IQSEC1: variants seen among roughly 807,000 people sequenced by gnomAD.
IQSEC1 encodes the protein IQ motif and Sec7 domain ArfGEF 1.
A neutral mutation model predicts 91.0 loss-of-function variants in IQSEC1; 31 were observed. That is an observed-to-expected ratio of 0.34 (90% CI 0.26 to 0.46). IQSEC1 has a LOEUF of 0.46. Ranked by LOEUF, IQSEC1 falls within the 20% of genes least tolerant of loss-of-function variation. The pLI, the probability that IQSEC1 is intolerant of heterozygous loss-of-function variation, is 1.00. For missense variants in IQSEC1, 1,388 were observed against 1,575.6 expected (o/e 0.88, Z 2.02); for synonymous variants, 699 against 662.6 (o/e 1.05, Z -0.84).
chr3:12,903,492 C>A (rs531771096), intron 12 of IQSEC1, among the ~76,000 whole-genome samples: 1 of 152,326 alleles, frequency 6.6e-6, no homozygotes, highest in African/African-American at 2.4e-5. Flanking sequence ...TGGTACCACC[C>A]CCCAAAGGGG....
chr3:13,047,401 C>T (rs1315304561), intron 1 of IQSEC1: 12 of 828,154 alleles, frequency 1.4e-5, no homozygotes, highest in Non-Finnish European at 1.7e-5. Context: ...CTCTTGGAGG[C>T]CTGCCTCTGG....
intron 1 of IQSEC1, among the ~76,000 whole-genome samples, chr3:13,004,551 G>C (rs1702554091): frequency 6.6e-6 from 1 of 152,114 alleles, no homozygotes. Context: ...CCTCTCCTTG[G>C]ATTATAAGGA....
intron 1 of IQSEC1, among the ~76,000 whole-genome samples, chr3:13,180,997 C>T (rs900756828): frequency 3.9e-5 from 6 of 152,172 alleles, no homozygotes; most frequent in Admixed American, 6.5e-5. Flanking sequence ...GCAGGCTGGG[C>T]GCGGTGGCTC....
At chr3:13,203,195 T>A (rs1225501411) in intron 1 of IQSEC1, among the ~76,000 whole-genome samples, 13 of 150,284 alleles carry the variant, frequency 8.7e-5, no homozygotes, top group Non-Finnish European at 1.5e-5. Flanking sequence ...ACACACACAC[T>A]CTTATGCTCA....
At chr3:12,928,411 C>T (rs572833384) in intron 3 of IQSEC1, among the ~76,000 whole-genome samples, 26 of 152,158 alleles carry the variant, frequency 1.7e-4, no homozygotes, top group East Asian at 3.9e-4. Context: ...ATGAAGAGCT[C>T]GCTGCTGACC....
rs556977904 is a variant in IQSEC1 at position 13,202,711 on chromosome 3, C to T, written c.273-38578G>A. Among the ~76,000 whole-genome samples, 9 of 152,140 alleles carry T rather than the reference C, an allele frequency of 5.9e-5. No individual in the cohort carries two copies. In the South Asian group the frequency reaches 1.2e-3, roughly 21 times the overall value. On this transcript the variant is annotated intron_variant, in intron 1 of 15. Transcript: ENST00000648114. ...AAGTTCTGGAGATAGATGATAGTGA[C>T]GGTTGTATGACAATATGAATGTACT...
intron 1 of IQSEC1, among the ~76,000 whole-genome samples, chr3:13,258,498 A>G (rs1576313315): frequency 1.3e-5 from 2 of 152,244 alleles, no homozygotes; most frequent in South Asian, 4.1e-4. Context: ...CCTGGGCAAC[A>G]TAGTGAGATC....
intron 1 of IQSEC1, among the ~76,000 whole-genome samples, chr3:12,947,206 CTA>C (rs1365900037): frequency 2.0e-5 from 3 of 152,228 alleles, no homozygotes; most frequent in African/African-American, 7.2e-5. Context: ...GCAGGCAGAA[CTA>C]TGACTGCCAA....
intron 1 of IQSEC1, among the ~76,000 whole-genome samples, chr3:13,274,067 C>A (rs966269383): frequency 6.6e-6 from 1 of 152,220 alleles, no homozygotes; most frequent in African/African-American, 2.4e-5. Context: ...ACAAGCAAAT[C>A]CCAAAGCCGG....
chr3:13,250,258 G>A (rs114286904), intron 1 of IQSEC1, among the ~76,000 whole-genome samples: 7,231 of 152,068 alleles, frequency 0.048, 185 homozygotes, highest in Middle Eastern at 0.1. Context: ...CCAAGACAGC[G>A]AGATAGCTGA....
At chr3:13,132,362 C>A (rs1706634949) in intron 2 of IQSEC1, among the ~76,000 whole-genome samples, 1 of 152,338 alleles carries the variant, frequency 6.6e-6, no homozygotes, top group East Asian at 1.9e-4. Flanking sequence ...GCACTGAGTT[C>A]TCTCTGATTT....
At chr3:13,116,213 G>A (rs1484736974) in intron 2 of IQSEC1, among the ~76,000 whole-genome samples, 6 of 152,314 alleles carry the variant, frequency 3.9e-5, no homozygotes, top group Non-Finnish European at 7.4e-5. Flanking sequence ...TGCTGGCTGC[G>A]GGAAACTCAG....
intron 1 of IQSEC1, among the ~76,000 whole-genome samples, chr3:13,278,824 A>C (rs1184743859): frequency 1.1e-5 from 1 of 90,082 alleles, no homozygotes; most frequent in Non-Finnish European, 2.5e-5. Flanking sequence ...CGTCTTGGTG[A>C]GGGGCAGGGT....
At chr3:13,058,767 T>C (rs1704964509) in intron 1 of IQSEC1, among the ~76,000 whole-genome samples, 1 of 152,216 alleles carries the variant, frequency 6.6e-6, no homozygotes, top group Non-Finnish European at 1.5e-5. Context: ...TGGGGGCTTC[T>C]ATTTTAGGGG....
chr3:13,074,320 T>C (rs1255886169), upstream of IQSEC1, among the ~76,000 whole-genome samples: 1 of 144,206 alleles, frequency 6.9e-6, no homozygotes, highest in Non-Finnish European at 1.5e-5. Flanking sequence ...CCTGGTGTAT[T>C]TGACTGGCCC....
intron 1 of IQSEC1, among the ~76,000 whole-genome samples, chr3:13,020,983 G>A (rs552191745): frequency 3.3e-5 from 5 of 152,362 alleles, no homozygotes; most frequent in Admixed American, 2.0e-4. Context: ...TGCTTATAAA[G>A]TTTATACACC....
intron 2 of IQSEC1, among the ~76,000 whole-genome samples, chr3:13,145,515 C>T (rs1019531284): frequency 1.3e-5 from 2 of 152,158 alleles, no homozygotes; most frequent in Non-Finnish European, 2.9e-5. Context: ...TAGGCTCCCT[C>T]TAATGTCTCA....
intron 1 of IQSEC1, among the ~76,000 whole-genome samples, chr3:12,990,030 A>G (rs778243337): frequency 6.6e-6 from 1 of 152,204 alleles, no homozygotes; most frequent in Non-Finnish European, 1.5e-5. Context: ...GATAAGCCCC[A>G]AACCTGGTCC....
intron 2 of IQSEC1, among the ~76,000 whole-genome samples, chr3:13,147,879 C>T (rs1448953836): frequency 3.9e-5 from 6 of 152,214 alleles, no homozygotes; most frequent in African/African-American, 7.2e-5. Flanking sequence ...GTGATCTGCC[C>T]GCCTAGGCCT....
Sources: allele counts gnomAD v4.1 joint callset (sites outside exome capture counted in the v4.1 genomes callset), GRCh38; gene constraint gnomAD v4.1.1; transcripts MANE v1.5; gene names NCBI Gene and HGNC (gene_info 2026-07-23, HGNC 2026-07-21).